Variants in FRMPD4 observed in about 807,000 individuals in gnomAD.
FRMPD4 encodes FERM and PDZ domain-containing protein 4.
FRMPD4 carries 22 observed loss-of-function variants against 94.1 expected under a neutral mutation model. The observed-to-expected ratio is 0.23, with a 90% CI of 0.17 to 0.33. FRMPD4 has a LOEUF of 0.33. Ranked by LOEUF, FRMPD4 falls within the 10% of genes least tolerant of loss-of-function variation. The probability of loss-of-function intolerance (pLI) is 1.00; values close to 1 mark genes in which losing one functional copy is unlikely to be tolerated. For missense variants in FRMPD4, 1,111 were observed against 1,339.9 expected (o/e 0.83, Z 2.67); for synonymous variants, 631 against 548.6 (o/e 1.15, Z -2.10).
At chrX:12,128,165 C>T (rs919107847) in intron 3 of FRMPD4, among the ~76,000 whole-genome samples, 64 of 113,388 alleles carry the variant, frequency 5.6e-4, no homozygotes, top group African/African-American at 1.9e-3. Flanking sequence ...TTCCCTTCCA[C>T]ACTGCCGTAG....
chrX:12,479,431 T>TAC (rs2057649549), intron 1 of FRMPD4, among the ~76,000 whole-genome samples: 1 of 96,310 alleles, frequency 1.0e-5, no homozygotes, highest in Non-Finnish European at 2.0e-5. Flanking sequence ...TACGTATATA[T>TAC]ATACACACAT....
chrX:12,227,531 T>G (rs1248783080), intron 1 of FRMPD4, among the ~76,000 whole-genome samples: 1 of 111,834 alleles, frequency 8.9e-6, no homozygotes, highest in Non-Finnish European at 1.9e-5. Context: ...CCAGGTGTGG[T>G]GGCTCACCTC....
intron 1 of FRMPD4, among the ~76,000 whole-genome samples, chrX:12,309,872 G>A (rs768835878): frequency 2.7e-5 from 3 of 112,341 alleles, no homozygotes; most frequent in Non-Finnish European, 5.6e-5. Flanking sequence ...CAGTCTTCCC[G>A]ATCCCCTTGG....
At chrX:12,006,868 A>G (rs988922368) in intron 3 of FRMPD4, among the ~76,000 whole-genome samples, 1 of 111,919 alleles carries the variant, frequency 8.9e-6, no homozygotes, top group East Asian at 2.8e-4. Context: ...AGCCAACTGT[A>G]GCTTGTCTGC....
At chrX:11,953,270 A>T (rs932672477) in intron 3 of FRMPD4, among the ~76,000 whole-genome samples, 2 of 112,146 alleles carry the variant, frequency 1.8e-5, no homozygotes, top group African/African-American at 3.2e-5. Context: ...AATTAAGAAA[A>T]GAAAAAATAG....
chrX:12,335,216 G>A (rs962507328), intron 1 of FRMPD4, among the ~76,000 whole-genome samples: 1 of 108,268 alleles, frequency 9.2e-6, no homozygotes, highest in African/African-American at 3.4e-5. Context: ...AGCCTCGACC[G>A]CCCAGGCTCA....
At chrX:12,487,055 A>G (rs949109851) in intron 1 of FRMPD4, among the ~76,000 whole-genome samples, 1 of 112,511 alleles carries the variant, frequency 8.9e-6, no homozygotes, top group Non-Finnish European at 1.9e-5. Context: ...TGAGACCAGA[A>G]TGGGAAACTA....
At chrX:11,851,624 G>A (rs991447245) in intron 1 of FRMPD4, among the ~76,000 whole-genome samples, 1 of 111,432 alleles carries the variant, frequency 9.0e-6, no homozygotes. Flanking sequence ...TTATGGTAGA[G>A]AATAAGTAAA....
chrX:12,224,451 T>C (rs1272700343), intron 1 of FRMPD4, among the ~76,000 whole-genome samples: 1 of 110,931 alleles, frequency 9.0e-6, no homozygotes, highest in Non-Finnish European at 1.9e-5. Flanking sequence ...AGTTTTGCCA[T>C]GTTGCCCAGC....
At chrX:12,395,908 G>A (rs1020281958) in intron 1 of FRMPD4, 1 of 128,025 alleles carries the variant, frequency 7.8e-6, no homozygotes, top group Non-Finnish European at 1.6e-5. Context: ...CACGTCTTGG[G>A]TTCTTTGTTC....
At chrX:12,437,530 G>A (rs1296540496) in intron 1 of FRMPD4, among the ~76,000 whole-genome samples, 4 of 110,595 alleles carry the variant, frequency 3.6e-5, no homozygotes, top group Admixed American at 9.7e-5. Context: ...GTGGCAAACC[G>A]TCTGAGTTCT....
Position 11,861,162 on chromosome X carries a change from G to A in FRMPD4, c.-160-3924G>A, listed in dbSNP as rs1265485857. 4.5e-5 allele frequency among the ~76,000 whole-genome samples: 5 copies of A among 111,595 alleles called. No homozygotes were observed. The East Asian group carries it at 1.4e-3, about 31-fold the overall frequency. ...TATGCTCTAATATGAAATTGACACT[G>A]AGGTCTGAGATAAGTGATAGCTGAG... On this transcript the variant is annotated intron_variant, in intron 1 of 18. Coordinates refer to the FRMPD4 transcript ENST00000640291.
chrX:12,166,472 T>C (rs1197735567), intron 1 of FRMPD4, among the ~76,000 whole-genome samples: 1 of 111,616 alleles, frequency 9.0e-6, no homozygotes, highest in East Asian at 2.8e-4. Context: ...ATTGAGGATT[T>C]TTGCATCAAT....
At chrX:11,951,718 C>G (rs113835860) in intron 3 of FRMPD4, among the ~76,000 whole-genome samples, 4,406 of 111,975 alleles carry the variant, frequency 0.039, 230 homozygotes, top group African/African-American at 0.14. Context: ...TGTAACAAAC[C>G]TGCACATGTA....
chrX:11,908,147 C>T (rs1436406595), intron 3 of FRMPD4, among the ~76,000 whole-genome samples: 1 of 112,159 alleles, frequency 8.9e-6, no homozygotes, highest in Non-Finnish European at 1.9e-5. Flanking sequence ...AAAGATTCTA[C>T]TTTCTGCTGA....
At chrX:12,543,313 T>C (rs1265225896) in intron 2 of FRMPD4, among the ~76,000 whole-genome samples, 2 of 111,272 alleles carry the variant, frequency 1.8e-5, no homozygotes, top group African/African-American at 3.3e-5. Context: ...ACCTACAGAA[T>C]GGGAGAAAAT....
At chrX:12,051,333 G>A (rs995637713) in intron 3 of FRMPD4, among the ~76,000 whole-genome samples, 7 of 111,225 alleles carry the variant, frequency 6.3e-5, no homozygotes, top group East Asian at 2.8e-4. Context: ...AGGTAGCAAC[G>A]GAAACATTAC....
chrX:12,404,729 T>C (rs1188606580), intron 1 of FRMPD4, among the ~76,000 whole-genome samples: 3 of 111,865 alleles, frequency 2.7e-5, no homozygotes, highest in Admixed American at 9.5e-5. Flanking sequence ...ATCTATGGGG[T>C]AAATATACTT....
chrX:12,079,989 A>T (rs772816403), intron 3 of FRMPD4, among the ~76,000 whole-genome samples: 31 of 112,569 alleles, frequency 2.8e-4, no homozygotes, highest in Non-Finnish European at 5.3e-4. Context: ...GTAGAAATTA[A>T]GTTTTTACAT....
Sources: gnomAD v4.1 joint callset for allele counts (sites outside exome capture counted in the v4.1 genomes callset) on GRCh38, gnomAD v4.1.1 for gene constraint, MANE v1.5 for transcripts, NCBI Gene and HGNC (gene_info 2026-07-23, HGNC 2026-07-21) for gene names.